The following ANP32A variants were observed in gnomAD, a reference collection of about 807,000 sequenced individuals.
The protein encoded by ANP32A is acidic leucine-rich nuclear phosphoprotein 32 family member A.
In ANP32A, 1 loss-of-function variant was observed where a neutral mutation model predicts 33.9. The ratio of observed to expected loss-of-function variants is 0.03; its 90% CI spans 0.01 to 0.14. The LOEUF is 0.14. Among genes scored for constraint, ANP32A ranks in the 10% least tolerant of loss-of-function variants. ANP32A has a pLI of 1.00. For missense variants in ANP32A, 155 were observed against 306.0 expected (o/e 0.51, Z 3.68); for synonymous variants, 115 against 120.5 (o/e 0.95, Z 0.30).
At chr15:68,783,890 C>G (rs1285308907) in intron 4 of ANP32A, among the ~76,000 whole-genome samples, 1 of 152,148 alleles carries the variant, frequency 6.6e-6, no homozygotes, top group African/African-American at 2.4e-5. Context: ...CCCCACAACC[C>G]CTCTAGCTCT....
rs982299208 is a variant in ANP32A, at chr15:68,800,759, A to G, written c.55-12840T>C. Among the ~76,000 whole-genome samples, 7 of 144,428 alleles carry G rather than the reference A, an allele frequency of 4.8e-5. No homozygotes were observed. The East Asian group carries it at 1.4e-3, about 29-fold the overall frequency. 94.8% of individuals were successfully genotyped at this position (144,428 alleles called of 152,430 possible). A position where few individuals can be genotyped will look rare whatever the true frequency, so the allele number is the denominator to read the frequency against. On this transcript the variant is annotated intron_variant, in intron 1 of 6. Transcript: ENST00000465139. ...ACTCCGTCTCAAAAAAAAAAAAAAG[A>G]AAGAAAAGAAAAGGACAGAAAAGCA...
intron 1 of ANP32A, among the ~76,000 whole-genome samples, chr15:68,796,151 G>A (rs905181183): frequency 6.6e-6 from 1 of 152,056 alleles, no homozygotes; most frequent in Non-Finnish European, 1.5e-5. Context: ...GCGTGATCTC[G>A]GCTCACTGCA....
Position 68,783,063 on chromosome 15 carries a change from C to T in ANP32A, c.527-10G>A, listed in dbSNP as rs1427779216. On this transcript the variant is annotated splice_polypyrimidine_tract_variant and intron_variant, in intron 4 of 6. Transcript: ENST00000465139. ...TCATCATACTCCTCCTCTGTGCAAT[C>T]GAAATGGGGAACGGAAACAGAACTA... 6.4e-6 allele frequency: 10 copies of T among 1,551,612 alleles called. No homozygotes were observed. The highest frequency in any genetic ancestry group is 7.8e-6 in the Non-Finnish European group (9 of 1,146,984).
intron 1 of ANP32A, among the ~76,000 whole-genome samples, chr15:68,799,968 C>A (rs537880033): frequency 6.6e-6 from 1 of 152,210 alleles, no homozygotes; most frequent in South Asian, 2.1e-4. Context: ...AGCTTTCTCC[C>A]CAGTGTACTT....
At position 68,779,823 on chromosome 15, in the gene ANP32A, C is replaced by G. The variant is rs961012541; in HGVS notation, c.*258G>C. 9 of 493,530 alleles carry G rather than the reference C, an allele frequency of 1.8e-5. No homozygotes were observed. The highest frequency in any genetic ancestry group is 3.2e-5 in the Non-Finnish European group (9 of 276,968). 30.6% of individuals were successfully genotyped at this position (493,530 alleles called of 1,614,324 possible). A position where few individuals can be genotyped will look rare whatever the true frequency, so the allele number is the denominator to read the frequency against. Reference sequence around the variant, plus strand: ...AGTGTGTACTTAGCTATCGCATTTACAGGGACAAAAACCGGACACAAAGAA... The same window carrying G: ...AGTGTGTACTTAGCTATCGCATTTAGAGGGACAAAAACCGGACACAAAGAA... On this transcript the variant is annotated 3_prime_UTR_variant, in exon 7 of 7. Transcript: ENST00000465139.
chr15:68,786,885 C>T (rs959958713), intron 3 of ANP32A, among the ~76,000 whole-genome samples: 3 of 152,180 alleles, frequency 2.0e-5, no homozygotes, highest in Admixed American at 2.0e-4. Context: ...CTCTTCTCCA[C>T]ACCACGTTGA....
chr15:68,798,378 T>C (rs1596069128), intron 1 of ANP32A, among the ~76,000 whole-genome samples: 3 of 152,208 alleles, frequency 2.0e-5, no homozygotes, highest in Non-Finnish European at 4.4e-5. Context: ...CCAGGACGCA[T>C]CCCACAGCCG....
chr15:68,813,061 C>A (rs1289948224), intron 1 of ANP32A: 2 of 152,220 alleles, frequency 1.3e-5, no homozygotes, highest in Non-Finnish European at 2.9e-5. Context: ...TGACTTTAAT[C>A]CACATTAGAG....
Position 68,780,453 on chromosome 15 carries a change from G to T in ANP32A, c.645C>A (p.Asn215Lys), listed in dbSNP as rs762322052. 1 of 1,613,738 alleles carries T rather than the reference G, an allele frequency of 6.2e-7. No individual in the cohort carries two copies. Among genetic ancestry groups the T allele is most frequent in the South Asian group, 1.1e-5 (1 of 91,076 alleles). Residue 215 changes from asparagine (N) to lysine (K), a missense_variant, in exon 6 of 7, where the codon AAC becomes AAA. Asn to Lys is a moderately conservative substitution (Grantham distance 94). Transcript: ENST00000465139. This position sits in a 1 kb window ranked among gnomAD's most constrained non-coding sequence, Gnocchi z 4.3. ...CTTCCTCGTCATCTACCTCTCCATC[G>T]TTATAACCTTCTTCATCCTCCTAGG... Reference protein sequence around the residue: ...GEEEEDEEGYNDGEVDDEEDE... With the variant: ...GEEEEDEEGYKDGEVDDEEDE...
At chr15:68,818,390 C>G (rs1894419075) in intron 1 of ANP32A, 1 of 162,510 alleles carries the variant, frequency 6.2e-6, no homozygotes, top group East Asian at 1.9e-4. Flanking sequence ...AGCCATTTGT[C>G]TTAAGAACGT....
chr15:68,806,346 T>A (rs1567038797), intron 1 of ANP32A, among the ~76,000 whole-genome samples: 1 of 152,146 alleles, frequency 6.6e-6, no homozygotes, highest in African/African-American at 2.4e-5. Context: ...CTGCCACTCC[T>A]GATGATGAAC....
intron 1 of ANP32A, among the ~76,000 whole-genome samples, chr15:68,806,835 C>T (rs1287632740): frequency 6.6e-6 from 1 of 152,240 alleles, no homozygotes; most frequent in Non-Finnish European, 1.5e-5. Flanking sequence ...AGTTTCTGAC[C>T]CTCCATATGG....
chr15:68,818,704 G>A (rs1195998490), intron 1 of ANP32A, among the ~76,000 whole-genome samples: 4 of 151,988 alleles, frequency 2.6e-5, no homozygotes, highest in Non-Finnish European at 5.9e-5. Flanking sequence ...GCGTCGGTCG[G>A]GTTCGCCAGG....
chr15:68,818,855 A>G (rs566413397), intron 1 of ANP32A, among the ~76,000 whole-genome samples: 250 of 151,160 alleles, frequency 1.7e-3, no homozygotes, highest in African/African-American at 5.9e-3. Context: ...CCAGCCCCCA[A>G]ACGCTAGGCG....
chr15:68,815,108 T>C (rs1446063734), intron 1 of ANP32A, among the ~76,000 whole-genome samples: 1 of 152,216 alleles, frequency 6.6e-6, no homozygotes, highest in Admixed American at 6.5e-5. Flanking sequence ...TGATTTCCAC[T>C]AGGCACCAAT....
chr15:68,787,974 G>A (rs1382749231), intron 1 of ANP32A, 55 bp from the exon 2 acceptor site: 6 of 1,610,654 alleles, frequency 3.7e-6, no homozygotes, highest in South Asian at 1.1e-5. Context: ...TGAAGCAGGG[G>A]GAGGGTGTTA....
intron 1 of ANP32A, chr15:68,789,503 G>C (rs1210669191): frequency 6.6e-6 from 1 of 152,344 alleles, no homozygotes; most frequent in Admixed American, 6.5e-5. Flanking sequence ...AGAATGACTA[G>C]GTGCCCCTCT....
chr15:68,796,732 C>A (rs1894068992), intron 1 of ANP32A, among the ~76,000 whole-genome samples: 1 of 152,204 alleles, frequency 6.6e-6, no homozygotes, highest in South Asian at 2.1e-4. Flanking sequence ...ATGACCTGGG[C>A]TTTGGTCCGC....
Position 68,780,509 on chromosome 15 carries a change from G to A in ANP32A, c.625-36C>T. ...GGACAGACACCAGAACATTAGAAAT[G>A]CCCTGCCTTGGGACATGCTGAGGAA... On this transcript the variant is annotated intron_variant, in intron 5 of 6. Coordinates refer to ENST00000465139, the MANE Select transcript of ANP32A (RefSeq NM_006305.4). The surrounding 1 kb of genome is among the most constrained non-coding windows in gnomAD (Gnocchi z 4.3). The A allele has an allele frequency of 6.2e-7, 1 of 1,613,366 alleles. No individual in the cohort carries two copies. The highest frequency in any genetic ancestry group is 8.5e-7 in the Non-Finnish European group (1 of 1,179,572).
Sources: gnomAD v4.1 joint callset for allele counts (sites outside exome capture counted in the v4.1 genomes callset) on GRCh38, gnomAD v4.1.1 for gene constraint, Gnocchi (gnomAD v3.1) non-coding constraint, MANE v1.5 for transcripts, NCBI Gene and HGNC (gene_info 2026-07-23, HGNC 2026-07-21) for gene names.